AFG1L: variants seen among roughly 807,000 people sequenced by gnomAD.
The protein encoded by AFG1L is AFG1 like ATPase.
AFG1L carries 53 observed loss-of-function variants against 62.2 expected under a neutral mutation model. The ratio of observed to expected loss-of-function variants is 0.85; its 90% CI spans 0.68 to 1.07. The LOEUF (loss-of-function observed/expected upper bound fraction) is 1.07, where lower values mean the gene tolerates loss of function less well. Among genes scored for constraint, AFG1L ranks in the 50% least tolerant of loss-of-function variants. The pLI is 0.00. For missense variants in AFG1L, 555 were observed against 590.5 expected (o/e 0.94, Z 0.62); for synonymous variants, 228 against 210.3 (o/e 1.08, Z -0.73).
intron 8 of AFG1L, among the ~76,000 whole-genome samples, chr6:108,450,523 C>G (rs1047753241): frequency 6.6e-6 from 1 of 152,088 alleles, no homozygotes; most frequent in African/African-American, 2.4e-5. Context: ...GAGTAGATTG[C>G]AAAAATTTTC....
chr6:108,327,265 A>G (rs1355788084), intron 2 of AFG1L, among the ~76,000 whole-genome samples: 1 of 152,248 alleles, frequency 6.6e-6, no homozygotes, highest in Non-Finnish European at 1.5e-5. Context: ...GAGATTTAGA[A>G]TAAGATTATA....
chr6:108,496,097 C>G (rs902830783), intron 10 of AFG1L, among the ~76,000 whole-genome samples: 1 of 152,148 alleles, frequency 6.6e-6, no homozygotes, highest in African/African-American at 2.4e-5. Flanking sequence ...ATTCACAATA[C>G]TAATTATGGT....
At position 108,323,857 on chromosome 6, in the gene AFG1L, C is replaced by T; in HGVS notation, c.172C>T (p.Pro58Ser). The T allele has an allele frequency of 6.2e-7, 1 of 1,614,064 alleles. No individual in the cohort carries two copies. Among genetic ancestry groups the T allele is most frequent in the South Asian group, 1.1e-5 (1 of 91,072 alleles). Reference protein sequence around the residue: ...YTVQTSESMTPTATSETYLKA... With the variant: ...YTVQTSESMTSTATSETYLKA... ...GGTTCAGACATCCGAGAGCATGACC[C>T]CAACTGCCACTTCAGAGACTTATTT... The change falls in exon 2 of 13, where the codon CCA (proline) becomes TCA (serine). Residue 58 changes from proline to serine, a missense_variant. Transcript: ENST00000368977.
chr6:108,324,388 C>A (rs1777948115), intron 2 of AFG1L, among the ~76,000 whole-genome samples: 1 of 152,214 alleles, frequency 6.6e-6, no homozygotes. Context: ...CCCTTTTCTT[C>A]CTCCTTCTTT....
intron 11 of AFG1L, 125 bp from the exon 12 acceptor site, chr6:108,519,572 C>T (rs541774465): frequency 2.9e-4 from 171 of 594,582 alleles, no homozygotes; most frequent in Middle Eastern, 1.9e-3. Flanking sequence ...AAAAAATGGA[C>T]GTCTTAAAAG....
intron 7 of AFG1L, among the ~76,000 whole-genome samples, chr6:108,431,663 C>G (rs1228320923): frequency 6.8e-6 from 1 of 146,564 alleles, no homozygotes; most frequent in Non-Finnish European, 1.5e-5. Flanking sequence ...TGCAATAGCA[C>G]GATCTCAGCT....
At chr6:108,501,873 T>C (rs1197440004) in intron 10 of AFG1L, among the ~76,000 whole-genome samples, 2 of 152,206 alleles carry the variant, frequency 1.3e-5, no homozygotes, top group Non-Finnish European at 2.9e-5. Context: ...AAAAGTTATG[T>C]TTATACTGTA....
intron 1 of AFG1L, among the ~76,000 whole-genome samples, chr6:108,306,819 A>G (rs1434395199): frequency 2.0e-5 from 3 of 152,132 alleles, no homozygotes; most frequent in Admixed American, 1.3e-4. Context: ...CCATATCACA[A>G]TATATTCCTT....
chr6:108,418,010 T>G (rs1184219257), intron 7 of AFG1L, among the ~76,000 whole-genome samples: 3 of 152,078 alleles, frequency 2.0e-5, no homozygotes, highest in Non-Finnish European at 2.9e-5. Flanking sequence ...TTTTTTGTAT[T>G]TTTAGTAGAG....
At chr6:108,417,612 A>C (rs954401022) in intron 7 of AFG1L, among the ~76,000 whole-genome samples, 1 of 152,150 alleles carries the variant, frequency 6.6e-6, no homozygotes, top group East Asian at 1.9e-4. Flanking sequence ...TTTTTCTCCA[A>C]ATAAAAGCAA....
intron 3 of AFG1L, among the ~76,000 whole-genome samples, chr6:108,351,435 A>T (rs1392736753): frequency 6.6e-6 from 1 of 152,208 alleles, no homozygotes; most frequent in African/African-American, 2.4e-5. Context: ...TGATCTTGCT[A>T]AATTTAATTA....
chr6:108,321,414 C>T (rs1777807708), intron 1 of AFG1L, among the ~76,000 whole-genome samples: 1 of 152,200 alleles, frequency 6.6e-6, no homozygotes, highest in African/African-American at 2.4e-5. Context: ...TTACAGAGCT[C>T]AATCTCTAAC....
At chr6:108,402,567 C>T (rs917200668) in intron 7 of AFG1L, among the ~76,000 whole-genome samples, 1 of 149,964 alleles carries the variant, frequency 6.7e-6, no homozygotes, top group Non-Finnish European at 1.5e-5. Context: ...AGAAAAGAAT[C>T]TTTTGATATA....
chr6:108,523,292 C>G lies in AFG1L; in HGVS notation c.*867C>G, dbSNP rs569427298. 2.0e-5 allele frequency: 3 copies of G among 152,436 alleles called. No individual in the cohort carries two copies. The highest frequency in any genetic ancestry group is 7.2e-5 in the African/African-American group (3 of 41,586). 9.4% of individuals were successfully genotyped at this position (152,436 alleles called of 1,614,324 possible). ...CTTCTCACTGTTGTAGACACTTGCT[C>G]TCCTTGCAGCATGCTGCCCCCGCCC... is the stretch of plus-strand genomic sequence containing the variant. On this transcript the variant is annotated 3_prime_UTR_variant, in exon 13 of 13. Transcript: ENST00000368977.
chr6:108,356,916 G>GTCAAATCACCTTATA, intron 5 of AFG1L, 96 bp downstream of exon 5: 1 of 1,059,476 alleles, frequency 9.4e-7, no homozygotes, highest in Non-Finnish European at 1.4e-6. Context: ...TTTATAAGGT[G>GTCAAATCACCTTATA]ATTTGACACA....
chr6:108,297,168 A>G (rs567942027), intron 1 of AFG1L, among the ~76,000 whole-genome samples: 1 of 152,078 alleles, frequency 6.6e-6, no homozygotes, highest in Non-Finnish European at 1.5e-5. Context: ...GTGCAATGGT[A>G]CAATCTCGGC....
intron 10 of AFG1L, among the ~76,000 whole-genome samples, chr6:108,485,667 T>C: frequency 1.3e-5 from 1 of 78,278 alleles, no homozygotes; most frequent in Admixed American, 1.3e-4. Flanking sequence ...TTTTTTTTTT[T>C]TTTTTTTTTT....
chr6:108,453,030 G>A (rs1346762669), intron 8 of AFG1L, among the ~76,000 whole-genome samples: 5 of 152,098 alleles, frequency 3.3e-5, no homozygotes, highest in African/African-American at 1.2e-4. Flanking sequence ...CCCATGGAGG[G>A]GCTTGTCTCT....
intron 6 of AFG1L, among the ~76,000 whole-genome samples, chr6:108,400,169 G>T (rs896261719): frequency 6.6e-6 from 1 of 151,964 alleles, no homozygotes; most frequent in Non-Finnish European, 1.5e-5. Flanking sequence ...TTTCCAATTT[G>T]GAAGCCCTTT....
Sources: gnomAD v4.1 joint callset for allele counts (sites outside exome capture counted in the v4.1 genomes callset) on GRCh38, gnomAD v4.1.1 for gene constraint, MANE v1.5 for transcripts, NCBI Gene and HGNC (gene_info 2026-07-23, HGNC 2026-07-21) for gene names.